Variants in ITFG1 observed in about 807,000 individuals in gnomAD.
The protein encoded by ITFG1 is integrin alpha FG-GAP repeat containing 1.
A neutral mutation model predicts 81.8 loss-of-function variants in ITFG1; 34 were observed. The ratio of observed to expected loss-of-function variants is 0.42; its 90% CI spans 0.32 to 0.55. The LOEUF (loss-of-function observed/expected upper bound fraction) is 0.55, where lower values mean the gene tolerates loss of function less well. Among genes scored for constraint, ITFG1 ranks in the 20% least tolerant of loss-of-function variants. ITFG1 has a pLI of 0.17. For missense variants in ITFG1, 672 were observed against 755.4 expected (o/e 0.89, Z 1.29); for synonymous variants, 285 against 270.6 (o/e 1.05, Z -0.52).
intron 5 of ITFG1, among the ~76,000 whole-genome samples, chr16:47,438,172 C>T (rs1457009322): frequency 6.6e-6 from 1 of 152,160 alleles, no homozygotes; most frequent in East Asian, 1.9e-4. Flanking sequence ...AGTAGGTAAA[C>T]AAAGCGTCCT....
chr16:47,422,352 T>C (rs1010596059), intron 6 of ITFG1, among the ~76,000 whole-genome samples: 2 of 152,230 alleles, frequency 1.3e-5, no homozygotes, highest in African/African-American at 4.8e-5. Context: ...GTTTCCTGAC[T>C]TTTCAATGAT....
intron 8 of ITFG1, among the ~76,000 whole-genome samples, chr16:47,319,344 C>T (rs553509671): frequency 6.6e-6 from 1 of 152,254 alleles, no homozygotes; most frequent in African/African-American, 2.4e-5. Flanking sequence ...CAGTTGTTTT[C>T]TTGATGTGAC....
At chr16:47,268,216 C>T (rs1479384819) in intron 10 of ITFG1, among the ~76,000 whole-genome samples, 4 of 151,890 alleles carry the variant, frequency 2.6e-5, no homozygotes. Flanking sequence ...AACATCACTA[C>T]AAATTTTAGG....
Position 47,432,248 on chromosome 16 carries a change from A to T in ITFG1, c.561-3350T>A, listed in dbSNP as rs141323928. On this transcript the variant is annotated intron_variant, in intron 5 of 17. Transcript: ENST00000320640. ...GTAATATGTTCCAGTCCAATATGAA[A>T]CCACAGATATGTCATCTCCATAGAG... Among the ~76,000 whole-genome samples the T allele has an allele frequency of 5.4e-3, 829 of 152,270 alleles. 6 individuals are homozygous for T. Among genetic ancestry groups the T allele is most frequent in the Admixed American group, 8.6e-3 (132 of 15,290 alleles).
intron 11 of ITFG1, 38 bp from the exon 12 acceptor site, chr16:47,258,778 T>C: frequency 1.1e-6 from 1 of 892,548 alleles, no homozygotes; most frequent in African/African-American, 1.7e-5. Context: ...GAACAAACTA[T>C]TAGACCAACT....
intron 13 of ITFG1, among the ~76,000 whole-genome samples, chr16:47,236,821 C>T (rs1965881131): frequency 6.6e-6 from 1 of 152,130 alleles, no homozygotes; most frequent in South Asian, 2.1e-4. Flanking sequence ...ACGCCTCATC[C>T]AGATCTTCTC....
At chr16:47,249,748 T>C (rs1347314961) in intron 12 of ITFG1, among the ~76,000 whole-genome samples, 1 of 152,236 alleles carries the variant, frequency 6.6e-6, no homozygotes, top group African/African-American at 2.4e-5. Context: ...CCATACTGTA[T>C]GTTACAGTCC....
rs567894944 is a variant in ITFG1, at chr16:47,333,348, T to C, written c.803-19525A>G. ...AACTCAAGTCTGCCTAAGTTCATTATCCAAGGATGTCTCCTCTCTTCCTGA... is the reference window on the plus strand; with the variant it reads ...AACTCAAGTCTGCCTAAGTTCATTACCCAAGGATGTCTCCTCTCTTCCTGA... On this transcript the variant is annotated intron_variant, in intron 8 of 17. Transcript: ENST00000320640. 9.2e-5 allele frequency among the ~76,000 whole-genome samples: 14 copies of C among 152,308 alleles called. No individual in the cohort carries two copies. In the South Asian group the frequency reaches 1.2e-3, roughly 14 times the overall value.
intron 10 of ITFG1, among the ~76,000 whole-genome samples, chr16:47,296,916 T>G (rs1966990890): frequency 6.6e-6 from 1 of 152,226 alleles, no homozygotes; most frequent in Non-Finnish European, 1.5e-5. Flanking sequence ...ATGGTTAGAA[T>G]GTTCCACATG....
Position 47,167,018 on chromosome 16 carries a change from T to TTA in ITFG1, c.1454-4356_1454-4355dup, listed in dbSNP as rs562654998. Among the ~76,000 whole-genome samples, 5 of 152,322 alleles carry TTA rather than the reference T, an allele frequency of 3.3e-5. No homozygotes were observed. In the South Asian group the frequency reaches 8.3e-4, roughly 25 times the overall value. ...TTTAGAGTGTAGAATCAAATGGCCTTTAGTGTATTTGCAATGTTGTGCAAC... is the reference window on the plus strand; with the variant it reads ...TTTAGAGTGTAGAATCAAATGGCCTTTATAGTGTATTTGCAATGTTGTGCAAC... On this transcript the variant is annotated intron_variant, in intron 14 of 17. Coordinates refer to ENST00000320640, the MANE Select transcript of ITFG1 (RefSeq NM_030790.5).
At chr16:47,326,660 A>T in intron 8 of ITFG1, among the ~76,000 whole-genome samples, 1 of 152,206 alleles carries the variant, frequency 6.6e-6, no homozygotes, top group Non-Finnish European at 1.5e-5. Flanking sequence ...AAAAATCACA[A>T]GCATTCTTAT....
At chr16:47,190,178 T>A (rs1222555010) in intron 14 of ITFG1, among the ~76,000 whole-genome samples, 1 of 151,946 alleles carries the variant, frequency 6.6e-6, no homozygotes, top group African/African-American at 2.4e-5. Context: ...AAAACAATGG[T>A]CATTTCACTT....
At chr16:47,168,752 G>A (rs920532168) in intron 14 of ITFG1, among the ~76,000 whole-genome samples, 2 of 151,950 alleles carry the variant, frequency 1.3e-5, no homozygotes, top group African/African-American at 4.8e-5. Context: ...TTTAAATTTT[G>A]TTACTAGTGC....
At chr16:47,169,650 GT>G in intron 14 of ITFG1, among the ~76,000 whole-genome samples, 1 of 152,060 alleles carries the variant, frequency 6.6e-6, no homozygotes, top group Admixed American at 6.6e-5. Flanking sequence ...CATTTTGCAT[GT>G]TCCTAATTTA....
chr16:47,406,701 G>C (rs1246074407), intron 6 of ITFG1, among the ~76,000 whole-genome samples: 1 of 152,136 alleles, frequency 6.6e-6, no homozygotes, highest in Non-Finnish European at 1.5e-5. Context: ...TAAGTATATA[G>C]TATTTTAGCA....
At chr16:47,281,418 C>T (rs1442808720) in intron 10 of ITFG1, among the ~76,000 whole-genome samples, 5 of 152,084 alleles carry the variant, frequency 3.3e-5, no homozygotes. Context: ...TGAGAAGTGT[C>T]CCTTAGTCTT....
At chr16:47,199,290 C>CCAAACCAAACCAAACCAAAA (rs1181100254) in intron 14 of ITFG1, among the ~76,000 whole-genome samples, 1 of 151,532 alleles carries the variant, frequency 6.6e-6, no homozygotes, top group African/African-American at 2.4e-5. Context: ...CCAAACCAAA[C>CCAAACCAAACCAAACCAAAA]CAAAACAAAA....
chr16:47,181,886 C>T (rs964030824), intron 14 of ITFG1, among the ~76,000 whole-genome samples: 7 of 152,082 alleles, frequency 4.6e-5, no homozygotes, highest in Non-Finnish European at 8.8e-5. Flanking sequence ...ACCTTACCCC[C>T]AACCCTGTGC....
chr16:47,441,926 A>C (rs1567501885), intron 5 of ITFG1, among the ~76,000 whole-genome samples: 1 of 152,214 alleles, frequency 6.6e-6, no homozygotes, highest in Non-Finnish European at 1.5e-5. Flanking sequence ...TATATCTAGA[A>C]AACCCCATCG....
Sources: allele counts gnomAD v4.1 joint callset (sites outside exome capture counted in the v4.1 genomes callset), GRCh38; gene constraint gnomAD v4.1.1; transcripts MANE v1.5; gene names NCBI Gene and HGNC (gene_info 2026-07-23, HGNC 2026-07-21).